STK38L: variants seen among roughly 807,000 people sequenced by gnomAD.
STK38L encodes the protein serine/threonine kinase 38 like.
A neutral mutation model predicts 59.7 loss-of-function variants in STK38L; 28 were observed. That is an observed-to-expected ratio of 0.47 (90% confidence interval 0.35 to 0.64). The LOEUF is 0.64. Ranked by LOEUF, STK38L falls within the 30% of genes least tolerant of loss-of-function variation. The probability of loss-of-function intolerance (pLI) is 0.01; values close to 1 mark genes in which losing one functional copy is unlikely to be tolerated. For missense variants in STK38L, 314 were observed against 555.8 expected (o/e 0.56, Z 4.37); for synonymous variants, 162 against 176.8 (o/e 0.92, Z 0.66).
At position 27,308,467 on chromosome 12, in the gene STK38L, C is replaced by G. The variant is rs750618194; in HGVS notation, c.309+6C>G. The G allele has an allele frequency of 6.4e-7, 1 of 1,558,762 alleles. No individual in the cohort carries two copies. Among genetic ancestry groups the G allele is most frequent in the Non-Finnish European group, 8.7e-7 (1 of 1,156,064 alleles). On this transcript the variant is annotated splice_donor_region_variant and intron_variant, in intron 4 of 13. Transcript: ENST00000389032. The surrounding 1 kb of genome is among the most constrained non-coding windows in gnomAD (Gnocchi z 4.5). Reference sequence around the variant, plus strand: ...GAAGAGGAGCTTTTGGAGAGGTGTGCTTCTTTTTAAAAGTCACTACTGCTG... The same window carrying G: ...GAAGAGGAGCTTTTGGAGAGGTGTGGTTCTTTTTAAAAGTCACTACTGCTG...
chr12:27,288,515 A>T (rs1943827467), intron 1 of STK38L, among the ~76,000 whole-genome samples: 1 of 151,994 alleles, frequency 6.6e-6, no homozygotes, highest in Non-Finnish European at 1.5e-5. Context: ...ACTCATCCAA[A>T]CCCACAATTC....
intron 3 of STK38L, among the ~76,000 whole-genome samples, chr12:27,303,800 TAATG>T (rs1944239940): frequency 6.6e-6 from 1 of 152,164 alleles, no homozygotes; most frequent in Non-Finnish European, 1.5e-5. Flanking sequence ...GTATACAAAA[TAATG>T]AATACATGTA....
At chr12:27,278,702 C>T (rs1943588850) in intron 1 of STK38L, among the ~76,000 whole-genome samples, 1 of 152,148 alleles carries the variant, frequency 6.6e-6, no homozygotes, top group Non-Finnish European at 1.5e-5. Flanking sequence ...TAATCAATAA[C>T]AATGTAAGCT....
intron 2 of STK38L, among the ~76,000 whole-genome samples, chr12:27,299,444 A>C (rs1944108962): frequency 6.6e-6 from 1 of 152,248 alleles, no homozygotes; most frequent in South Asian, 2.1e-4. Flanking sequence ...AGTTAGCATC[A>C]GCAGAAATTC....
At chr12:27,310,021 A>AT (rs1944418809) in intron 5 of STK38L, among the ~76,000 whole-genome samples, 1 of 152,208 alleles carries the variant, frequency 6.6e-6, no homozygotes, top group Non-Finnish European at 1.5e-5. Context: ...TGAAATGGTC[A>AT]TTTTCAGGTG....
chr12:27,314,531 A>G lies in STK38L; in HGVS notation c.545A>G (p.Lys182Arg). Residue 182 changes from lysine (K) to arginine (R), a missense_variant, in exon 7 of 14, where the codon AAA (lysine) becomes AGA (arginine). Coordinates refer to ENST00000389032, the MANE Select transcript of STK38L (RefSeq NM_015000.4). ...GACATGATGACATTGCTAATGAAGAAAGACACCTTGACAGAAGAGGAAACA... is the reference window on the plus strand; with the variant it reads ...GACATGATGACATTGCTAATGAAGAGAGACACCTTGACAGAAGAGGAAACA... ...GGDMMTLLMKKDTLTEEETQF... is the reference protein window; with the variant it reads ...GGDMMTLLMKRDTLTEEETQF... 1 of 1,583,952 alleles carries G rather than the reference A, an allele frequency of 6.3e-7. No homozygotes were observed. The highest frequency in any genetic ancestry group is 8.6e-7 in the Non-Finnish European group (1 of 1,165,752).
rs1191737924 is a variant in STK38L at position 27,270,889 on chromosome 12, A to G, written c.-12+26557A>G. On this transcript the variant is annotated intron_variant, in intron 1 of 13. Transcript: ENST00000389032. ...ATGTAACTTGCTGACCAAACTATCTATGAATTACTTCCTTTGGCTTAGTAG... is the reference window on the plus strand; with the variant it reads ...ATGTAACTTGCTGACCAAACTATCTGTGAATTACTTCCTTTGGCTTAGTAG... Among the ~76,000 whole-genome samples, 7 of 152,346 alleles carry G rather than the reference A, an allele frequency of 4.6e-5. No individual in the cohort carries two copies. The East Asian group carries it at 1.3e-3, about 29-fold the overall frequency.
intron 1 of STK38L, among the ~76,000 whole-genome samples, chr12:27,269,933 G>C (rs1290848592): frequency 6.6e-6 from 1 of 152,160 alleles, no homozygotes; most frequent in African/African-American, 2.4e-5. Context: ...ATGAGCAGCT[G>C]CACCCGGCCA....
At chr12:27,275,159 C>T (rs967977008) in intron 1 of STK38L, among the ~76,000 whole-genome samples, 4 of 152,138 alleles carry the variant, frequency 2.6e-5, no homozygotes, top group African/African-American at 9.7e-5. Context: ...TTCCTACTTT[C>T]CTGTCCTCCC....
intron 3 of STK38L, among the ~76,000 whole-genome samples, chr12:27,305,989 T>TA (rs1944301711): frequency 6.6e-6 from 1 of 152,168 alleles, no homozygotes; most frequent in Non-Finnish European, 1.5e-5. Context: ...ATTTTTTTTT[T>TA]AACATGAATT....
chr12:27,248,039 T>G lies in STK38L; in HGVS notation c.-12+3707T>G, dbSNP rs11837620. On this transcript the variant is annotated intron_variant, in intron 1 of 13. Transcript: ENST00000389032. ...TATGTTGCCCAGCCTGGTCTCGAAC[T>G]CCTTGGCTCAAGTGATCCTCCTGCC... Among the ~76,000 whole-genome samples the G allele has an allele frequency of 6.0e-3, 915 of 152,308 alleles. 8 individuals carry two copies. Among genetic ancestry groups the G allele is most frequent in the African/African-American group, 0.021 (875 of 41,556 alleles).
intron 5 of STK38L, among the ~76,000 whole-genome samples, chr12:27,310,341 A>G (rs560312930): frequency 6.6e-6 from 1 of 152,304 alleles, no homozygotes; most frequent in East Asian, 1.9e-4. Flanking sequence ...AAAAAGAAAG[A>G]TAATGATGGC....
chr12:27,244,792 C>G (rs1027750391), intron 1 of STK38L, among the ~76,000 whole-genome samples: 4 of 152,140 alleles, frequency 2.6e-5, no homozygotes, highest in Admixed American at 1.3e-4. Context: ...AAAACTGATG[C>G]GTCAGATTGC....
At chr12:27,320,578 C>T (rs764942189) in intron 12 of STK38L, among the ~76,000 whole-genome samples, 14 of 151,246 alleles carry the variant, frequency 9.3e-5, no homozygotes, top group Admixed American at 4.0e-4. Flanking sequence ...AGGCGCCTAG[C>T]CCACTCTGCC....
At chr12:27,257,428 T>C (rs762593151) in intron 1 of STK38L, among the ~76,000 whole-genome samples, 1 of 152,234 alleles carries the variant, frequency 6.6e-6, no homozygotes, top group Non-Finnish European at 1.5e-5. Context: ...CAGATTAATA[T>C]AACCTCCTTC....
At chr12:27,273,145 T>C (rs923290318) in intron 1 of STK38L, among the ~76,000 whole-genome samples, 14 of 152,130 alleles carry the variant, frequency 9.2e-5, no homozygotes, top group African/African-American at 3.4e-4. Context: ...TTTGTATGTT[T>C]ATCTTTTTTC....
intron 1 of STK38L, among the ~76,000 whole-genome samples, chr12:27,275,342 CTT>C (rs34162442): frequency 3.2e-5 from 4 of 124,756 alleles, no homozygotes; most frequent in Admixed American, 8.9e-5. Flanking sequence ...TAGACTGCAT[CTT>C]TTTTTTTTTT....
chr12:27,303,012 TAA>T (rs33949589), intron 3 of STK38L, among the ~76,000 whole-genome samples: 20,335 of 119,808 alleles, frequency 0.17, 1,873 homozygotes, highest in East Asian at 0.33. Flanking sequence ...GACTCCGTCT[TAA>T]AAAAAAAAAA....
intron 1 of STK38L, among the ~76,000 whole-genome samples, chr12:27,266,291 C>T (rs1045977538): frequency 6.6e-6 from 1 of 152,158 alleles, no homozygotes; most frequent in African/African-American, 2.4e-5. Context: ...GTCCAGTCCA[C>T]ATATTCCCTG....
Sources: allele counts gnomAD v4.1 joint callset (sites outside exome capture counted in the v4.1 genomes callset), GRCh38; gene constraint gnomAD v4.1.1; non-coding constraint Gnocchi (gnomAD v3.1); transcripts MANE v1.5; gene names NCBI Gene and HGNC (gene_info 2026-07-23, HGNC 2026-07-21).